ARHGAP15: variants seen among roughly 807,000 people sequenced by gnomAD.
ARHGAP15 encodes Rho GTPase activating protein 15, also known as rho GTPase-activating protein 15.
A neutral mutation model predicts 63.7 loss-of-function variants in ARHGAP15; 51 were observed. The ratio of observed to expected loss-of-function variants is 0.80; its 90% CI spans 0.64 to 1.01. The LOEUF is 1.01. Among genes scored for constraint, ARHGAP15 ranks in the 50% least tolerant of loss-of-function variants. The pLI is 0.00. For synonymous variants in ARHGAP15, 191 were observed against 193.8 expected (o/e 0.99, Z 0.12); for missense variants, 560 against 564.6 (o/e 0.99, Z 0.08).
At chr2:143,604,890 T>TTTTTG (rs201477731) in intron 11 of ARHGAP15, among the ~76,000 whole-genome samples, 10 of 152,008 alleles carry the variant, frequency 6.6e-5, no homozygotes, top group Non-Finnish European at 7.4e-5. Flanking sequence ...TTACAGGGTT[T>TTTTTG]TTTTGTTTTG....
intron 13 of ARHGAP15, among the ~76,000 whole-genome samples, chr2:143,763,249 T>C (rs1686828018): frequency 6.6e-6 from 1 of 152,150 alleles, no homozygotes; most frequent in South Asian, 2.1e-4. Context: ...ATATTTGAAA[T>C]TGTGGTTGAT....
chr2:143,222,338 G>A (rs1693035035), intron 4 of ARHGAP15, among the ~76,000 whole-genome samples: 1 of 152,202 alleles, frequency 6.6e-6, no homozygotes, highest in South Asian at 2.1e-4. Flanking sequence ...AACAAAGGCA[G>A]ATGGACCAAA....
chr2:143,537,218 C>A (rs530039401), intron 10 of ARHGAP15, among the ~76,000 whole-genome samples: 47,438 of 151,470 alleles, frequency 0.31, 7,962 homozygotes, highest in East Asian at 0.42. Context: ...CACTTTTTGA[C>A]GAGGTTGTTT....
intron 11 of ARHGAP15, among the ~76,000 whole-genome samples, chr2:143,621,743 G>C (rs1269149899): frequency 6.6e-6 from 1 of 152,018 alleles, no homozygotes; most frequent in Admixed American, 6.6e-5. Flanking sequence ...CTATTCATGG[G>C]TAAATTTTCT....
intron 6 of ARHGAP15, among the ~76,000 whole-genome samples, chr2:143,307,995 T>A (rs1192629664): frequency 6.6e-6 from 1 of 152,136 alleles, no homozygotes; most frequent in Non-Finnish European, 1.5e-5. Context: ...GAAAAGAATA[T>A]AATTCACAAC....
chr2:143,378,932 T>C (rs998048351), intron 6 of ARHGAP15, among the ~76,000 whole-genome samples: 1 of 152,090 alleles, frequency 6.6e-6, no homozygotes, highest in African/African-American at 2.4e-5. Context: ...ATCTTTGATG[T>C]TACATGTGAT....
intron 6 of ARHGAP15, among the ~76,000 whole-genome samples, chr2:143,359,488 CTCT>C (rs1238140647): frequency 5.3e-5 from 8 of 152,080 alleles, no homozygotes; most frequent in African/African-American, 9.7e-5. Context: ...CTCTTTGTGA[CTCT>C]TCTTCAGAAT....
intron 2 of ARHGAP15, among the ~76,000 whole-genome samples, chr2:143,192,538 TG>T (rs1422842722): frequency 1.3e-5 from 2 of 152,356 alleles, no homozygotes; most frequent in South Asian, 4.1e-4. Flanking sequence ...TTCTTACTTA[TG>T]TCTGTCTGCT....
At chr2:143,379,721 A>T (rs1315430914) in intron 6 of ARHGAP15, among the ~76,000 whole-genome samples, 3 of 152,022 alleles carry the variant, frequency 2.0e-5, no homozygotes, top group Non-Finnish European at 4.4e-5. Context: ...AAATAAAGGA[A>T]TCTGAAATAA....
intron 6 of ARHGAP15, among the ~76,000 whole-genome samples, chr2:143,379,480 CATAT>C (rs758477926): frequency 3.1e-5 from 3 of 97,686 alleles, no homozygotes; most frequent in Admixed American, 1.3e-4. Context: ...GGTTTTTAGG[CATAT>C]ATATGTGTGT....
chr2:143,406,996 A>G (rs778787683), intron 6 of ARHGAP15, among the ~76,000 whole-genome samples: 1 of 151,962 alleles, frequency 6.6e-6, no homozygotes, highest in Non-Finnish European at 1.5e-5. Flanking sequence ...TTAAGCATAC[A>G]TAACTACAAG....
intron 12 of ARHGAP15, 139 bp from the exon 13 acceptor site, chr2:143,703,280 C>T: frequency 1.7e-6 from 1 of 573,538 alleles, no homozygotes; most frequent in Non-Finnish European, 3.0e-6. Flanking sequence ...AGGTTGAGTC[C>T]ACCTATTCCC....
intron 11 of ARHGAP15, among the ~76,000 whole-genome samples, chr2:143,560,999 G>A (rs990100323): frequency 8.5e-5 from 13 of 152,206 alleles, no homozygotes; most frequent in African/African-American, 3.1e-4. Flanking sequence ...ATGTCAACCT[G>A]TCATCAGCCT....
At chr2:143,201,176 C>T (rs2034604) in intron 2 of ARHGAP15, among the ~76,000 whole-genome samples, 75,569 of 150,610 alleles carry the variant, frequency 0.5, 19,273 homozygotes, top group East Asian at 0.77. Flanking sequence ...GTTGTGTGAT[C>T]ATAGCTTACT....
chr2:143,198,108 A>G (rs888216993), intron 2 of ARHGAP15, among the ~76,000 whole-genome samples: 1 of 152,028 alleles, frequency 6.6e-6, no homozygotes, highest in Non-Finnish European at 1.5e-5. Context: ...AGTTACTTAA[A>G]CTGTGTTTAC....
chr2:143,509,515 A>G (rs1014237114), intron 9 of ARHGAP15, among the ~76,000 whole-genome samples: 5 of 152,158 alleles, frequency 3.3e-5, no homozygotes, highest in African/African-American at 1.2e-4. Context: ...CACTTACAGT[A>G]TATTCTGTCG....
chr2:143,476,884 AAC>A, intron 8 of ARHGAP15, among the ~76,000 whole-genome samples: 1 of 152,328 alleles, frequency 6.6e-6, no homozygotes, highest in Admixed American at 6.5e-5. Flanking sequence ...TGTTATAATA[AAC>A]AGAGAGGAAG....
intron 10 of ARHGAP15, among the ~76,000 whole-genome samples, chr2:143,547,620 G>A (rs182722557): frequency 4.4e-4 from 67 of 150,822 alleles, no homozygotes; most frequent in Non-Finnish European, 8.0e-4. Flanking sequence ...ATAAATATAA[G>A]GGAAAATTCT....
intron 10 of ARHGAP15, among the ~76,000 whole-genome samples, chr2:143,541,850 C>A (rs1383772345): frequency 6.6e-6 from 1 of 152,216 alleles, no homozygotes; most frequent in Non-Finnish European, 1.5e-5. Context: ...AGGCAGTCTG[C>A]CCGTTCTCAG....
Sources: allele counts gnomAD v4.1 joint callset (sites outside exome capture counted in the v4.1 genomes callset), GRCh38; gene constraint gnomAD v4.1.1; transcripts MANE v1.5; gene names NCBI Gene and HGNC (gene_info 2026-07-23, HGNC 2026-07-21).